NRCAM: variants seen among roughly 807,000 people sequenced by gnomAD.
NRCAM encodes the protein NgCAM-related cell adhesion molecule.
In NRCAM, 83 loss-of-function variants were observed where a neutral mutation model predicts 156.5. The ratio of observed to expected loss-of-function variants is 0.53; its 90% CI spans 0.44 to 0.64. The LOEUF is 0.64. NRCAM is among the 30% of genes least tolerant of loss of function. The pLI is 0.00. For synonymous variants in NRCAM, 538 were observed against 563.9 expected (o/e 0.95, Z 0.65); for missense variants, 1,417 against 1,597.3 (o/e 0.89, Z 1.92).
At chr7:108,305,973 A>T (rs1563192355) in intron 3 of NRCAM, among the ~76,000 whole-genome samples, 1 of 152,242 alleles carries the variant, frequency 6.6e-6, no homozygotes, top group Non-Finnish European at 1.5e-5. Flanking sequence ...ATGTATGCAA[A>T]TGCAAAAGAA....
chr7:108,401,150 G>A (rs564015971), intron 1 of NRCAM, among the ~76,000 whole-genome samples: 1 of 152,268 alleles, frequency 6.6e-6, no homozygotes, highest in East Asian at 1.9e-4. Flanking sequence ...TGAGGCATGA[G>A]AATCACTTGA....
intron 3 of NRCAM, among the ~76,000 whole-genome samples, chr7:108,245,674 G>A (rs961023633): frequency 6.6e-6 from 1 of 152,166 alleles, no homozygotes; most frequent in East Asian, 1.9e-4. Context: ...TCCAGAGAGA[G>A]TTCAGGCATA....
chr7:108,243,754 TGA>T (rs2095703577), intron 3 of NRCAM, among the ~76,000 whole-genome samples: 2 of 152,174 alleles, frequency 1.3e-5, no homozygotes, highest in South Asian at 4.1e-4. Context: ...CTGAGAGTAA[TGA>T]TAAAGAGCAA....
chr7:108,357,670 C>G (rs2099515227), intron 2 of NRCAM, among the ~76,000 whole-genome samples: 1 of 152,160 alleles, frequency 6.6e-6, no homozygotes, highest in African/African-American at 2.4e-5. Context: ...ACTCTTCTAT[C>G]TTTTTGCTGG....
intron 2 of NRCAM, among the ~76,000 whole-genome samples, chr7:108,363,437 A>C (rs1276973787): frequency 6.6e-6 from 1 of 152,140 alleles, no homozygotes; most frequent in Admixed American, 6.6e-5. Context: ...GGCGTGTGCC[A>C]CCATGCCCAG....
chr7:108,352,417 C>T (rs745543933), intron 2 of NRCAM, among the ~76,000 whole-genome samples: 39 of 152,198 alleles, frequency 2.6e-4, no homozygotes, highest in Admixed American at 1.6e-3. Flanking sequence ...GAACATTTTC[C>T]TTCAAAAGTG....
At chr7:108,389,828 C>T (rs1222387012) in intron 2 of NRCAM, among the ~76,000 whole-genome samples, 1 of 152,042 alleles carries the variant, frequency 6.6e-6, no homozygotes. Flanking sequence ...TGGTTTTTGT[C>T]TTTGGTTCTG....
chr7:108,269,735 A>G (rs1162719361), intron 3 of NRCAM, among the ~76,000 whole-genome samples: 1 of 152,236 alleles, frequency 6.6e-6, no homozygotes, highest in Non-Finnish European at 1.5e-5. Context: ...TCAAATGCCT[A>G]TATGCCCAAA....
At chr7:108,211,498 C>T (rs1295823280) in intron 11 of NRCAM, among the ~76,000 whole-genome samples, 1 of 152,176 alleles carries the variant, frequency 6.6e-6, no homozygotes, top group Non-Finnish European at 1.5e-5. Flanking sequence ...AGTTCTCAAG[C>T]CCCGCTCACC....
At position 108,168,386 on chromosome 7, in the gene NRCAM, G is replaced by T; in HGVS notation, c.3204C>A (p.Pro1068=). 1 of 1,603,194 alleles carries T rather than the reference G, an allele frequency of 6.2e-7. No individual in the cohort carries two copies. The highest frequency in any genetic ancestry group is 1.1e-5 in the South Asian group (1 of 88,094). Residue 1068 remains proline, a synonymous_variant, in exon 29 of 33, where the codon CCC becomes CCA. Coordinates refer to ENST00000379028, the MANE Select transcript of NRCAM (RefSeq NM_001037132.4). ...VGAGKVQAVN[P]RISNLTAAAA... ...CTGCAGCAGTAAGATTGCTGATCCT[G>T]GGATTTACTGCTTGAACTAAACATA... is the stretch of plus-strand genomic sequence containing the variant.
intron 1 of NRCAM, among the ~76,000 whole-genome samples, chr7:108,418,262 G>C (rs1359588838): frequency 6.6e-6 from 1 of 152,106 alleles, no homozygotes; most frequent in Non-Finnish European, 1.5e-5. Context: ...AATTGGTAGA[G>C]ATTCTCTCAC....
At chr7:108,335,461 A>ATTTTTTG (rs2099173387) in intron 2 of NRCAM, among the ~76,000 whole-genome samples, 1 of 25,548 alleles carries the variant, frequency 3.9e-5, no homozygotes, top group African/African-American at 1.5e-4. Flanking sequence ...TTTTTTTTTC[A>ATTTTTTG]GTTTTCACTG....
chr7:108,239,697 T>A (rs1420454331), intron 4 of NRCAM, among the ~76,000 whole-genome samples: 2 of 152,034 alleles, frequency 1.3e-5, no homozygotes, highest in Non-Finnish European at 2.9e-5. Context: ...TCTCAGGCCA[T>A]CCCCAGCAGG....
chr7:108,228,167 C>T (rs1055083011), intron 8 of NRCAM, among the ~76,000 whole-genome samples: 13 of 152,066 alleles, frequency 8.5e-5, no homozygotes, highest in East Asian at 1.9e-4. Flanking sequence ...ACTAAAAATA[C>T]GAAAATTAGC....
At chr7:108,378,741 A>G (rs994157840) in intron 2 of NRCAM, among the ~76,000 whole-genome samples, 2 of 151,782 alleles carry the variant, frequency 1.3e-5, no homozygotes, top group Non-Finnish European at 2.9e-5. Context: ...AGGCAACGAA[A>G]AAACCTCAGA....
At chr7:108,278,907 A>G (rs1204188967) in intron 3 of NRCAM, among the ~76,000 whole-genome samples, 1 of 152,152 alleles carries the variant, frequency 6.6e-6, no homozygotes, top group East Asian at 1.9e-4. Context: ...AGCGACTCCA[A>G]TAATCCTGAA....
intron 12 of NRCAM, among the ~76,000 whole-genome samples, chr7:108,209,031 T>G (rs967711489): frequency 6.6e-6 from 1 of 152,198 alleles, no homozygotes; most frequent in African/African-American, 2.4e-5. Context: ...ACGCTAAAAC[T>G]TCCCCAGTAA....
intron 24 of NRCAM, among the ~76,000 whole-genome samples, chr7:108,181,302 A>G (rs1317965102): frequency 6.6e-6 from 1 of 152,036 alleles, no homozygotes; most frequent in Non-Finnish European, 1.5e-5. Context: ...AGTAAAAAAT[A>G]TGAAATCAGT....
intron 3 of NRCAM, among the ~76,000 whole-genome samples, chr7:108,275,930 C>G (rs1343172403): frequency 6.6e-6 from 1 of 151,906 alleles, no homozygotes; most frequent in Non-Finnish European, 1.5e-5. Flanking sequence ...TCTGGTACAT[C>G]GTGTCTTTGT....
Sources: gnomAD v4.1 joint callset for allele counts (sites outside exome capture counted in the v4.1 genomes callset) on GRCh38, gnomAD v4.1.1 for gene constraint, MANE v1.5 for transcripts, NCBI Gene and HGNC (gene_info 2026-07-23, HGNC 2026-07-21) for gene names.